SPMIP7: variants seen among roughly 807,000 people sequenced by gnomAD.
SPMIP7 encodes the protein sperm microtubule inner protein 7, also known as protein SPMIP7.
chr7:50,125,163 CATATATACACAT>C, the SPMIP7 span, among the ~76,000 whole-genome samples: 2 of 38,918 alleles, frequency 5.1e-5, 1 homozygote, highest in South Asian at 1.4e-3. Flanking sequence ...TATATATACA[CATATATACACAT>C]ATATATACAC....
the SPMIP7 span, among the ~76,000 whole-genome samples, chr7:50,101,419 C>G: frequency 2.0e-5 from 3 of 152,306 alleles, no homozygotes; most frequent in African/African-American, 7.2e-5. Context: ...ACCTTTGCAG[C>G]TATTGAAACT....
At chr7:50,154,101 T>C in the SPMIP7 span, among the ~76,000 whole-genome samples, 1 of 152,192 alleles carries the variant, frequency 6.6e-6, no homozygotes, top group African/African-American at 2.4e-5. Context: ...TTTGCATGTA[T>C]TTAAAAAATA....
At chr7:50,134,085 G>A in the SPMIP7 span, 2 of 1,518,556 alleles carry the variant, frequency 1.3e-6, no homozygotes, top group African/African-American at 1.4e-5. Flanking sequence ...TTCATAAGAT[G>A]TTCCTATTTA....
At chr7:50,116,455 T>G in the SPMIP7 span, among the ~76,000 whole-genome samples, 1 of 152,230 alleles carries the variant, frequency 6.6e-6, no homozygotes, top group Non-Finnish European at 1.5e-5. Flanking sequence ...TTTATTGTAT[T>G]CTAAATATCA....
At chr7:50,147,062 G>T in the SPMIP7 span, among the ~76,000 whole-genome samples, 1 of 152,158 alleles carries the variant, frequency 6.6e-6, no homozygotes, top group Non-Finnish European at 1.5e-5. Flanking sequence ...CCCTTATGTC[G>T]CATCCATGGT....
the SPMIP7 span, among the ~76,000 whole-genome samples, chr7:50,101,728 C>T: frequency 6.6e-6 from 1 of 152,158 alleles, no homozygotes; most frequent in African/African-American, 2.4e-5. Context: ...ATAGATACCA[C>T]AAAATGCCAT....
At chr7:50,115,913 CT>C in the SPMIP7 span, among the ~76,000 whole-genome samples, 1 of 152,202 alleles carries the variant, frequency 6.6e-6, no homozygotes, top group African/African-American at 2.4e-5. Context: ...TGTAAGCAAT[CT>C]CAAGCAAGTA....
the SPMIP7 span, among the ~76,000 whole-genome samples, chr7:50,111,738 A>T: frequency 3.3e-5 from 5 of 152,170 alleles, no homozygotes; most frequent in African/African-American, 1.2e-4. Flanking sequence ...TACTTAAATA[A>T]TTTGTTTCTA....
the SPMIP7 span, among the ~76,000 whole-genome samples, chr7:50,146,173 C>G: frequency 6.6e-6 from 1 of 152,186 alleles, no homozygotes. Flanking sequence ...CACACTCCCT[C>G]ATTTGTTTTT....
At chr7:50,145,895 A>C in the SPMIP7 span, among the ~76,000 whole-genome samples, 124,165 of 150,914 alleles carry the variant, frequency 0.82, 51,118 homozygotes, top group East Asian at 0.92. Flanking sequence ...TCTTTTATCT[A>C]AGGACGTTAC....
At chr7:50,103,917 A>T in the SPMIP7 span, among the ~76,000 whole-genome samples, 989 of 152,304 alleles carry the variant, frequency 6.5e-3, 7 homozygotes, top group Non-Finnish European at 8.3e-3. Flanking sequence ...CAGTGTACTA[A>T]ATATTTTTGA....
At chr7:50,142,887 C>T in the SPMIP7 span, 1 of 152,166 alleles carries the variant, frequency 6.6e-6, no homozygotes, top group Middle Eastern at 3.2e-3. Context: ...GTAGTTTCCA[C>T]AATACTGCTT....
At chr7:50,135,984 G>T in the SPMIP7 span, 1 of 723,870 alleles carries the variant, frequency 1.4e-6, no homozygotes, top group South Asian at 1.7e-5. Context: ...GCGTTTCCTA[G>T]GGAGCCTGGG....
the SPMIP7 span, chr7:50,096,125 AT>A: frequency 6.5e-7 from 1 of 1,529,344 alleles, no homozygotes. Flanking sequence ...AAAGATAAGT[AT>A]CTCTAAAAGG....
chr7:50,106,858 C>T, the SPMIP7 span, among the ~76,000 whole-genome samples: 1 of 152,210 alleles, frequency 6.6e-6, no homozygotes, highest in South Asian at 2.1e-4. Flanking sequence ...AATCTTAGCA[C>T]TTTGGGAGGC....
the SPMIP7 span, chr7:50,117,229 C>T: frequency 2.2e-6 from 1 of 455,502 alleles, no homozygotes; most frequent in Non-Finnish European, 4.4e-6. Context: ...ATGAAAATAA[C>T]ATTCAGGCAT....
At chr7:50,140,568 C>A in the SPMIP7 span, among the ~76,000 whole-genome samples, 1 of 152,140 alleles carries the variant, frequency 6.6e-6, no homozygotes, top group Non-Finnish European at 1.5e-5. Context: ...GAAATATCAC[C>A]TCTTAATTTC....
the SPMIP7 span, among the ~76,000 whole-genome samples, chr7:50,140,753 C>T: frequency 6.6e-6 from 1 of 152,226 alleles, no homozygotes; most frequent in Non-Finnish European, 1.5e-5. Flanking sequence ...ATTACTCGGC[C>T]TCTTCAGTTC....
the SPMIP7 span, chr7:50,096,238 T>C: frequency 3.2e-6 from 5 of 1,551,782 alleles, no homozygotes; most frequent in East Asian, 1.2e-4. Flanking sequence ...AGAACAGACA[T>C]AACTATGGCA....
Sources: allele counts gnomAD v4.1 joint callset (sites outside exome capture counted in the v4.1 genomes callset), GRCh38; gene constraint gnomAD v4.1.1; transcripts MANE v1.5; gene names NCBI Gene and HGNC (gene_info 2026-07-23, HGNC 2026-07-21).